FTSJ3: variants seen among roughly 807,000 people sequenced by gnomAD.
The protein encoded by FTSJ3 is pre-rRNA 2'-O-ribose RNA methyltransferase FTSJ3.
In FTSJ3, 46 loss-of-function variants were observed where a neutral mutation model predicts 111.5. That is an observed-to-expected ratio of 0.41 (90% CI 0.33 to 0.53). The LOEUF (loss-of-function observed/expected upper bound fraction) is 0.53. FTSJ3 is among the 20% of genes least tolerant of loss of function. The pLI is 0.19. For missense variants in FTSJ3, 1,075 were observed against 1,063.8 expected (o/e 1.01, Z -0.15); for synonymous variants, 408 against 383.0 (o/e 1.07, Z -0.76).
Position 63,823,800 on chromosome 17 carries a change from C to T in FTSJ3, c.1290+17G>A, listed in dbSNP as rs1211835203. ...ATCCTTCTGTCTCCTAAACCTGCAC[C>T]CCCAATGCCGCCTCACCTGGTGACC... On this transcript the variant is annotated intron_variant, in intron 13 of 20. Transcript: ENST00000427159. The T allele has an allele frequency of 2.4e-5, 38 of 1,611,972 alleles. No individual in the cohort carries two copies. The highest frequency in any genetic ancestry group is 3.2e-5 in the Non-Finnish European group (38 of 1,178,978).
rs1256057131 is a variant in FTSJ3 at position 63,824,889 on chromosome 17, C to T, written c.752G>A (p.Arg251His). 8 of 1,596,324 alleles carry T rather than the reference C, an allele frequency of 5.0e-6. No homozygotes were observed. Among genetic ancestry groups the T allele is most frequent in the South Asian group, 2.3e-5 (2 of 87,434 alleles). Reference protein sequence around the residue: ...YAEGDLTLYHRTSVTDFLRAA... With the variant: ...YAEGDLTLYHHTSVTDFLRAA... The stretch of plus-strand genomic sequence containing the variant: ...TCGGAGGAAGTCAGTGACTGAGGTA[C>T]GGTGATAGAGAGTGAGGTCACCCTC... Residue 251 changes from arginine (R) to histidine (H), a missense_variant, in exon 9 of 21, where the codon CGT becomes CAT. Arg to His is a conservative substitution (Grantham distance 29, BLOSUM62 0). Around this residue, in one of 2 missense-constraint regions of FTSJ3, gnomAD observed 867 missense variants for 796.9 expected, o/e 1.09. Transcript: ENST00000427159.
In FTSJ3 at chr17:63,825,822, CA is replaced by C. The variant is rs2040093826; in HGVS notation, c.301-188del. ...GGAGATTACAGTCTGACACTGAATT[CA>C]CAGGAGAAGACTTCACTAAAGATCT... On this transcript the variant is annotated intron_variant, in intron 5 of 20. Transcript: ENST00000427159. The C allele has an allele frequency of 4.7e-5, 30 of 631,954 alleles. No individual in the cohort carries two copies. In the South Asian group the frequency reaches 5.8e-4, roughly 12 times the overall value. The allele number at this position is 631,954 out of a possible 1,614,324, so 39.1% of individuals were successfully genotyped here.
intron 10 of FTSJ3, 74 bp from the exon 11 acceptor site, chr17:63,824,485 AC>A: frequency 6.5e-7 from 1 of 1,545,842 alleles, no homozygotes. Flanking sequence ...TAGGCTCACT[AC>A]CCACCTTTCG....
chr17:63,825,256 A>G lies in FTSJ3; in HGVS notation c.581T>C (p.Phe194Ser), dbSNP rs766419847. ...QASRHESAEI[F>S]VVCQGFLAPD... is the part of the protein sequence containing the mutation. ...ATGATGCCCACCTTGGCAGACTACAAAGATCTCTGCAGATTCATGGCGAGA... is the reference window on the plus strand; with the variant it reads ...ATGATGCCCACCTTGGCAGACTACAGAGATCTCTGCAGATTCATGGCGAGA... The change falls in exon 7 of 21, where the codon TTT becomes TCT. Residue 194 changes from phenylalanine (F) to serine (S), a missense_variant. Coordinates refer to ENST00000427159, the MANE Select transcript of FTSJ3 (RefSeq NM_017647.4). The G allele has an allele frequency of 6.2e-7, 1 of 1,614,194 alleles. No individual in the cohort carries two copies. Among genetic ancestry groups the G allele is most frequent in the South Asian group, 1.1e-5 (1 of 91,086 alleles).
In FTSJ3 at chr17:63,824,076, CCTT is replaced by C; in HGVS notation, c.1154+5_1154+7del. The C allele has an allele frequency of 1.2e-6, 2 of 1,614,132 alleles. No individual in the cohort carries two copies. The highest frequency in any genetic ancestry group is 2.7e-5 in the African/African-American group (2 of 75,018). On this transcript the variant is annotated splice_donor_5th_base_variant and intron_variant, in intron 12 of 20. Coordinates refer to ENST00000427159, the MANE Select transcript of FTSJ3 (RefSeq NM_017647.4). ...GGGAACTCCAAGCTCTACCCCAGCT[CCTT>C]TCACCTCTTCAATTCCGCCACCTCC...
At position 63,827,590 on chromosome 17, in the gene FTSJ3, G is replaced by GC. The variant is rs1306313366; in HGVS notation, c.-566dup. 6.4e-7 allele frequency: 1 copy of GC among 1,550,816 alleles called. No individual in the cohort carries two copies. Among genetic ancestry groups the GC allele is most frequent in the Non-Finnish European group, 8.7e-7 (1 of 1,146,772 alleles). ...CGAGCGTGATCTGAGTGGAGAGCGG[G>GC]CCGGGGCAGGAGCGTCGGGTGGGTC... On this transcript the variant is annotated 5_prime_UTR_variant, in exon 1 of 21. An upstream open reading frame in the 5' UTR loses its in-frame stop. Transcript: ENST00000427159.
Position 63,821,761 on chromosome 17 carries a change from C to T in FTSJ3, c.1558G>A (p.Val520Ile). The T allele has an allele frequency of 6.2e-7, 1 of 1,614,194 alleles. No homozygotes were observed. Residue 520 changes from valine (V) to isoleucine (I), a missense_variant, in exon 15 of 21, where the codon GTA (valine) becomes ATA (isoleucine). Val to Ile is a conservative substitution (Grantham distance 29). This residue lies in a region of FTSJ3 where 867 missense variants were observed against 796.9 expected (regional missense o/e 1.09). Transcript: ENST00000427159. Reference sequence around the variant, plus strand: ...AGGTTGGCTTGTTCTTCCTGCAGTACTGCCTTTTCCTCCAGTGGTACCAGC... The same window carrying T: ...AGGTTGGCTTGTTCTTCCTGCAGTATTGCCTTTTCCTCCAGTGGTACCAGC... ...PLLVPLEEKA[V>I]LQEEQANLWF...
intron 13 of FTSJ3, among the ~76,000 whole-genome samples, chr17:63,822,930 A>G (rs1194372089): frequency 2.0e-5 from 3 of 152,188 alleles, no homozygotes; most frequent in Non-Finnish European, 4.4e-5. Flanking sequence ...GGCAGCAAGG[A>G]TAAGTGGTAG....
intron 13 of FTSJ3, 80 bp from the exon 14 acceptor site, chr17:63,822,248 A>G (rs1044392916): frequency 3.4e-5 from 41 of 1,199,868 alleles, no homozygotes; most frequent in African/African-American, 1.8e-4. Flanking sequence ...ACCTCAGTCT[A>G]TGCTCAGCAA....
rs748487827 is a variant in FTSJ3 at position 63,821,014 on chromosome 17, C to T, written c.1972+16G>A. 6.2e-7 allele frequency: 1 copy of T among 1,612,564 alleles called. No homozygotes were observed. The highest frequency in any genetic ancestry group is 1.3e-5 in the African/African-American group (1 of 75,026). ...CCAGTGGTCTTTTCTCATTCCACTG[C>T]ATACAGAGCTCTCACCTGGGTCCTC... On this transcript the variant is annotated intron_variant, in intron 17 of 20. Transcript: ENST00000427159.
chr17:63,820,543 G>A, intron 18 of FTSJ3, 105 bp from the exon 19 acceptor site: 1 of 1,114,950 alleles, frequency 9.0e-7, no homozygotes, highest in Non-Finnish European at 1.3e-6. Context: ...CACTTTGGGA[G>A]GCTGAGGTGG....
intron 14 of FTSJ3, 47 bp from the exon 15 acceptor site, chr17:63,821,890 G>A (rs779641997): frequency 1.9e-6 from 3 of 1,613,744 alleles, no homozygotes; most frequent in Non-Finnish European, 2.5e-6. Context: ...CAGATTGCCT[G>A]GAGCCCTTGC....
rs1215483104 is a variant in FTSJ3, at chr17:63,820,930, G to C, written c.1981C>G (p.Arg661Gly). ...GCAAGGCCTTCGGGGTCCAGTATCCGATGTTTCGCTAGAGAGGGAAGGAGA... is the reference window on the plus strand; with the variant it reads ...GCAAGGCCTTCGGGGTCCAGTATCCCATGTTTCGCTAGAGAGGGAAGGAGA... ...IVPIEDPAKH[R>G]ILDPEGLALG... The change falls in exon 18 of 21, where the codon CGG (arginine) becomes GGG (glycine). Residue 661 changes from arginine (R) to glycine (G), a missense_variant. Physicochemically the swap from Arg to Gly is moderately radical, Grantham distance 125. Coordinates refer to ENST00000427159, the MANE Select transcript of FTSJ3 (RefSeq NM_017647.4). 2 of 1,614,012 alleles carry C rather than the reference G, an allele frequency of 1.2e-6. No individual in the cohort carries two copies. Among genetic ancestry groups the C allele is most frequent in the Non-Finnish European group, 1.7e-6 (2 of 1,179,896 alleles).
Position 63,823,858 on chromosome 17 carries a change from C to T in FTSJ3, c.1249G>A (p.Glu417Lys). The part of the protein sequence containing the change: ...LPGVSIADEG[E>K]TGMFSLSTIR... ...GTGCTCAAGGAGAACATGCCAGTCTCCCCCTCGTCTGCAATGGAAACCCCA... is the reference window on the plus strand; with the variant it reads ...GTGCTCAAGGAGAACATGCCAGTCTTCCCCTCGTCTGCAATGGAAACCCCA... The change falls in exon 13 of 21, where the codon GAG becomes AAG. Residue 417 changes from glutamate (E) to lysine (K), a missense_variant. By Grantham distance (56) the Glu-to-Lys change is moderately conservative (BLOSUM62 1). Coordinates refer to ENST00000427159, the MANE Select transcript of FTSJ3 (RefSeq NM_017647.4). The T allele has an allele frequency of 6.2e-7, 1 of 1,613,966 alleles. No individual in the cohort carries two copies. Among genetic ancestry groups the T allele is most frequent in the Non-Finnish European group, 8.5e-7 (1 of 1,179,848 alleles).
Position 63,826,149 on chromosome 17 carries a change from G to A in FTSJ3, c.221-14C>T, listed in dbSNP as rs544482619. 6.2e-6 allele frequency: 10 copies of A among 1,613,512 alleles called. No homozygotes were observed. In the East Asian group the frequency reaches 1.1e-4, roughly 18 times the overall value. On this transcript the variant is annotated splice_polypyrimidine_tract_variant and intron_variant, in intron 4 of 20. Transcript: ENST00000427159. ...CCAGGTCCACTCCTGGAAGAAATCAGGTCAGAGTATTCTAAAAGGTTGCTT... is the reference window on the plus strand; with the variant it reads ...CCAGGTCCACTCCTGGAAGAAATCAAGTCAGAGTATTCTAAAAGGTTGCTT...
At chr17:63,825,488 C>T (rs761487502) in intron 6 of FTSJ3, 48 bp downstream of exon 6, 20 of 1,601,148 alleles carry the variant, frequency 1.2e-5, no homozygotes, top group Admixed American at 1.7e-5. Context: ...GGAGGGCATG[C>T]GCCCACCTCC....
chr17:63,824,154 CTTCCTCCTCCTCCTT>C lies in FTSJ3; in HGVS notation c.1069_1083del (p.Lys357_Glu361del). 1 of 1,613,756 alleles carries C rather than the reference CTTCCTCCTCCTCCTT, an allele frequency of 6.2e-7. No individual in the cohort carries two copies. Among genetic ancestry groups the C allele is most frequent in the East Asian group, 2.2e-5 (1 of 44,876 alleles). ...TGGTTCAGTTGTTCCTCCTCCTCCT[CTTCCTCCTCCTCCTT>C]AGAGGGCTGCTTTGTGGTTCCAGCT... On this transcript the variant is annotated inframe_deletion, in exon 12 of 21. Transcript: ENST00000427159.
In FTSJ3 at chr17:63,826,056, C is replaced by T; in HGVS notation, c.300G>A (p.Gln100=). The change falls in exon 5 of 21, where the codon CAG becomes CAA. Residue 100 remains glutamine, a splice_region_variant and synonymous_variant. Coordinates refer to ENST00000427159, the MANE Select transcript of FTSJ3 (RefSeq NM_017647.4). ...GAAGGAAGAGAGAGACTCCTATTACCTGCCTACAACGTTCTGTTGTGATGT... is the reference window on the plus strand; with the variant it reads ...GAAGGAAGAGAGAGACTCCTATTACTTGCCTACAACGTTCTGTTGTGATGT... ...QQDITTERCR[Q]ALRKELKTWK... 1 of 1,608,066 alleles carries T rather than the reference C, an allele frequency of 6.2e-7. No homozygotes were observed.
chr17:63,819,586 T>G lies in FTSJ3; in HGVS notation c.*216A>C. The G allele has an allele frequency of 1.8e-6, 1 of 563,138 alleles. No individual in the cohort carries two copies. Among genetic ancestry groups the G allele is most frequent in the Non-Finnish European group, 3.2e-6 (1 of 317,024 alleles). 34.9% of individuals were successfully genotyped at this position (563,138 alleles called of 1,614,324 possible). On this transcript the variant is annotated 3_prime_UTR_variant, in exon 21 of 21. Transcript: ENST00000427159. ...AAAAGGGTCATGAGTGTCAACACAG[T>G]TCAGCAGTGTTTTCATGGGAGACCT... is the stretch of plus-strand genomic sequence containing the variant.
Sources: gnomAD v4.1 joint callset for allele counts (sites outside exome capture counted in the v4.1 genomes callset) on GRCh38, gnomAD v4.1.1 for gene constraint, gnomAD v4.1.1 regional missense constraint, MANE v1.5 for transcripts, NCBI Gene and HGNC (gene_info 2026-07-23, HGNC 2026-07-21) for gene names.